Variants in L3MBTL2 observed in about 807,000 individuals in gnomAD.
L3MBTL2 encodes the protein L3MBTL histone methyl-lysine binding protein 2, also known as lethal(3)malignant brain tumor-like protein 2.
A neutral mutation model predicts 86.4 loss-of-function variants in L3MBTL2; 49 were observed. That is an observed-to-expected ratio of 0.57 (90% CI 0.45 to 0.72). The LOEUF is 0.72. Ranked by LOEUF, L3MBTL2 falls within the 30% of genes least tolerant of loss-of-function variation. The pLI is 0.00. For synonymous variants in L3MBTL2, 336 were observed against 350.6 expected (o/e 0.96, Z 0.47); for missense variants, 755 against 923.7 (o/e 0.82, Z 2.37).
At chr22:41,209,296 AG>A (rs1233720300) in intron 1 of L3MBTL2, 1 of 165,834 alleles carries the variant, frequency 6.0e-6, no homozygotes, top group Admixed American at 5.8e-5. Context: ...TTGTAGAGAC[AG>A]GGTTTCACCC....
At position 41,227,103 on chromosome 22, in the gene L3MBTL2, T is replaced by C; in HGVS notation, c.1602T>C (p.His534=). The change falls in exon 14 of 17, where the codon CAT becomes CAC. Residue 534 remains histidine, a synonymous_variant. Transcript: ENST00000216237. This position sits in a 1 kb window ranked among gnomAD's most constrained non-coding sequence, Gnocchi z 6.0. ...TTCTGCCCCAGGATTGCCCAAACCA[T>C]GGCTTCAAGGTGGGCATGAAGCTGG... ...SRLFNMDCPN[H]GFKVGMKLEA... 1 of 1,612,650 alleles carries C rather than the reference T, an allele frequency of 6.2e-7. No individual in the cohort carries two copies. Among genetic ancestry groups the C allele is most frequent in the East Asian group, 2.2e-5 (1 of 44,852 alleles).
At chr22:41,217,397 T>C in intron 5 of L3MBTL2, 195 bp downstream of exon 5, 1 of 575,722 alleles carries the variant, frequency 1.7e-6, no homozygotes, top group South Asian at 2.0e-5. Flanking sequence ...TATCACCTGC[T>C]TGGCTTCACT....
At chr22:41,228,851 CAA>C (rs1555921640) in intron 15 of L3MBTL2, among the ~76,000 whole-genome samples, 5 of 97,322 alleles carry the variant, frequency 5.1e-5, no homozygotes, top group East Asian at 3.0e-4. Context: ...CTCCATCGCA[CAA>C]AAAAAAAAAA....
chr22:41,227,020 C>A lies in L3MBTL2; in HGVS notation c.1588-69C>A, dbSNP rs12159511. On this transcript the variant is annotated intron_variant, in intron 13 of 16. Coordinates refer to ENST00000216237, the MANE Select transcript of L3MBTL2 (RefSeq NM_031488.5). The surrounding 1 kb of genome is among the most constrained non-coding windows in gnomAD (Gnocchi z 6.0). ...TCCCTGCCAGTTCTTCAAGTGCCTC[C>A]GGGCCGGGGCAAGCCTGCTGGGGTA... is the stretch of plus-strand genomic sequence containing the variant. The A allele has an allele frequency of 2.2e-5, 31 of 1,399,076 alleles. No homozygotes were observed. The African/African-American group carries it at 3.8e-4, about 17-fold the overall frequency. 86.7% of individuals were successfully genotyped at this position (1,399,076 alleles called of 1,614,324 possible). A position where few individuals can be genotyped will look rare whatever the true frequency, so the allele number is the denominator to read the frequency against.
At chr22:41,220,483 C>T (rs1347631458) in intron 6 of L3MBTL2, among the ~76,000 whole-genome samples, 1 of 151,864 alleles carries the variant, frequency 6.6e-6, no homozygotes, top group Admixed American at 6.6e-5. Flanking sequence ...GTCGGGAGAT[C>T]GAGACCATCC....
chr22:41,227,745 C>A lies in L3MBTL2; in HGVS notation c.1823-59C>A. ...GATGGGGTCTCGGGATGCGCCTGTG[C>A]CCTGTGTCCTCCCAGGGACCCTCTT... On this transcript the variant is annotated intron_variant, in intron 14 of 16. Transcript: ENST00000216237. The surrounding 1 kb of genome is among the most constrained non-coding windows in gnomAD (Gnocchi z 6.0). The A allele has an allele frequency of 6.2e-7, 1 of 1,611,756 alleles. No individual in the cohort carries two copies.
intron 16 of L3MBTL2, 47 bp from the exon 17 acceptor site, chr22:41,230,092 C>CCCCCCCT: frequency 3.1e-6 from 3 of 969,176 alleles, no homozygotes; most frequent in South Asian, 3.0e-5. Flanking sequence ...CCCACCCCTC[C>CCCCCCCT]CAGAGTTATT....
chr22:41,209,743 G>C lies in L3MBTL2; in HGVS notation c.72G>C (p.Leu24Phe). The change falls in exon 2 of 17, where the codon TTG becomes TTC. Residue 24 changes from leucine (L) to phenylalanine (F), a missense_variant. Transcript: ENST00000216237. ...TGGAGGAAGAGGAAGATGACGACTT[G>C]GAGCTGTTTGGTGGCTATGATAGTT... ...EPMEEEEDDD[L>F]ELFGGYDSFR... 6.2e-7 allele frequency: 1 copy of C among 1,614,188 alleles called. No individual in the cohort carries two copies. Among genetic ancestry groups the C allele is most frequent in the Non-Finnish European group, 8.5e-7 (1 of 1,180,032 alleles).
In L3MBTL2 at chr22:41,227,269, C is replaced by T; in HGVS notation, c.1768C>T (p.Pro590Ser). The T allele has an allele frequency of 6.2e-7, 1 of 1,612,510 alleles. No individual in the cohort carries two copies. The highest frequency in any genetic ancestry group is 8.5e-7 in the Non-Finnish European group (1 of 1,179,682). Residue 590 changes from proline to serine, a missense_variant, in exon 14 of 17, where the codon CCC becomes TCC. By Grantham distance (74) the Pro-to-Ser change is moderately conservative. Around this residue, in one of 3 missense-constraint regions of L3MBTL2, gnomAD observed 634 missense variants for 748.9 expected, o/e 0.85. Coordinates refer to ENST00000216237, the MANE Select transcript of L3MBTL2 (RefSeq NM_031488.5). The surrounding 1 kb of genome is among the most constrained non-coding windows in gnomAD (Gnocchi z 6.0). ...GGACTGCGAGTCCCCAGACATCTAC[C>T]CCGTCGGCTGGTGTGAGCTCACCGG... ...WVDCESPDIYPVGWCELTGYQ... is the reference protein window; with the variant it reads ...WVDCESPDIYSVGWCELTGYQ...
At position 41,224,538 on chromosome 22, in the gene L3MBTL2, G is replaced by A. The variant is rs1388895910; in HGVS notation, c.1175-187G>A. Among the ~76,000 whole-genome samples the A allele has an allele frequency of 6.6e-6, 1 of 152,182 alleles. No homozygotes were observed. Among genetic ancestry groups the A allele is most frequent in the Non-Finnish European group, 1.5e-5 (1 of 68,028 alleles). On this transcript the variant is annotated intron_variant, in intron 9 of 16. Transcript: ENST00000216237. The surrounding 1 kb of genome is among the most constrained non-coding windows in gnomAD (Gnocchi z 4.9). Reference sequence around the variant, plus strand: ...GAGGGCTGAAGAGTCCCTACAGAGAGCTCTTGATGTTTTCTGGACTCAACC... The same window carrying A: ...GAGGGCTGAAGAGTCCCTACAGAGAACTCTTGATGTTTTCTGGACTCAACC...
At position 41,221,332 on chromosome 22, in the gene L3MBTL2, A is replaced by G. The variant is rs186699488; in HGVS notation, c.942+45A>G. ...CTGATGTGCCTCCTTCCGCTCTTCC[A>G]TTTTTCTGCATCCTGCATGCCACTC... On this transcript the variant is annotated intron_variant, in intron 8 of 16. Transcript: ENST00000216237. The G allele has an allele frequency of 1.6e-5, 23 of 1,472,548 alleles. No homozygotes were observed. In the Admixed American group the frequency reaches 3.5e-4, roughly 23 times the overall value. 91.2% of individuals were successfully genotyped at this position (1,472,548 alleles called of 1,614,324 possible).
In L3MBTL2 at chr22:41,227,893, A is replaced by C; in HGVS notation, c.1888+24A>C. The C allele has an allele frequency of 6.2e-7, 1 of 1,608,116 alleles. No individual in the cohort carries two copies. Among genetic ancestry groups the C allele is most frequent in the Non-Finnish European group, 8.5e-7 (1 of 1,176,882 alleles). Reference sequence around the variant, plus strand: ...AAGTAAGTGCTGCACCGGTGCAGCCAGGCTGGTGTGGGCCTGGGAGCAGTG... The same window carrying C: ...AAGTAAGTGCTGCACCGGTGCAGCCCGGCTGGTGTGGGCCTGGGAGCAGTG... On this transcript the variant is annotated intron_variant, in intron 15 of 16. Transcript: ENST00000216237. The surrounding 1 kb of genome is among the most constrained non-coding windows in gnomAD (Gnocchi z 6.0).
chr22:41,221,919 G>A (rs971099337), intron 8 of L3MBTL2, among the ~76,000 whole-genome samples: 9 of 138,956 alleles, frequency 6.5e-5, no homozygotes, highest in African/African-American at 2.4e-4. Flanking sequence ...TTCTTTTTGA[G>A]ATAGAGTCTC....
intron 8 of L3MBTL2, among the ~76,000 whole-genome samples, chr22:41,223,667 CTG>C (rs537791555): frequency 1.3e-5 from 2 of 152,350 alleles, no homozygotes; most frequent in East Asian, 3.9e-4. Flanking sequence ...ACAAATGAGT[CTG>C]TGTAATTCTG....
At chr22:41,226,886 T>C (rs1379532061) in intron 13 of L3MBTL2, 142 bp downstream of exon 13, 1 of 759,098 alleles carries the variant, frequency 1.3e-6, no homozygotes, top group Non-Finnish European at 2.1e-6. Context: ...AGTCCCCAGC[T>C]ATGGCCTGGG....
chr22:41,228,094 C>T, intron 15 of L3MBTL2: 1 of 985,470 alleles, frequency 1.0e-6, no homozygotes, highest in South Asian at 4.7e-5. Flanking sequence ...AGTGTTCAGT[C>T]TCTGGCCATG....
intron 5 of L3MBTL2, 61 bp from the exon 6 acceptor site, chr22:41,219,358 G>T (rs2031643340): frequency 7.8e-7 from 1 of 1,284,758 alleles, no homozygotes; most frequent in East Asian, 2.3e-5. Flanking sequence ...CCGTGAGGCA[G>T]TCTGTCTCCC....
In L3MBTL2 at chr22:41,225,531, T is replaced by G. The variant is rs2032120135; in HGVS notation, c.1357-263T>G. Among the ~76,000 whole-genome samples the G allele has an allele frequency of 6.6e-6, 1 of 152,140 alleles. No individual in the cohort carries two copies. Among genetic ancestry groups the G allele is most frequent in the African/African-American group, 2.4e-5 (1 of 41,422 alleles). ...TCCGCTCCATGCCGGGCGCGTGTGC[T>G]CACCCAAGAACACGGTCCAACAGGA... On this transcript the variant is annotated intron_variant, in intron 11 of 16. Transcript: ENST00000216237. This position sits in a 1 kb window ranked among gnomAD's most constrained non-coding sequence, Gnocchi z 4.1.
chr22:41,227,314 G>A lies in L3MBTL2; in HGVS notation c.1813G>A (p.Val605Met). 7 of 1,598,050 alleles carry A rather than the reference G, an allele frequency of 4.4e-6. No homozygotes were observed. The highest frequency in any genetic ancestry group is 6.0e-6 in the Non-Finnish European group (7 of 1,172,612). The change falls in exon 14 of 17, where the codon GTG (valine) becomes ATG (methionine). Residue 605 changes from valine (V) to methionine (M), a missense_variant. Physicochemically the swap from Val to Met is conservative, Grantham distance 21. Transcript: ENST00000216237. This position sits in a 1 kb window ranked among gnomAD's most constrained non-coding sequence, Gnocchi z 6.0. ...ELTGYQLQPP[V>M]AAEPATPLKA... ...CACCGGCTACCAGCTCCAGCCTCCT[G>A]TGGCCGCAGGTGTGGGCTCTCGTGG...
Sources: gnomAD v4.1 joint callset for allele counts (sites outside exome capture counted in the v4.1 genomes callset) on GRCh38, gnomAD v4.1.1 for gene constraint, gnomAD v4.1.1 regional missense constraint, Gnocchi (gnomAD v3.1) non-coding constraint, MANE v1.5 for transcripts, NCBI Gene and HGNC (gene_info 2026-07-23, HGNC 2026-07-21) for gene names.